The following WASF3 variants were observed in gnomAD, a reference collection of about 807,000 sequenced individuals.
WASF3 encodes the protein WASP family member 3, also known as actin-binding protein WASF3.
WASF3 carries 11 observed loss-of-function variants against 46.6 expected under a neutral mutation model. That is an observed-to-expected ratio of 0.24 (90% confidence interval 0.15 to 0.39). The LOEUF (loss-of-function observed/expected upper bound fraction) is 0.39, where lower values mean the gene tolerates loss of function less well. WASF3 is among the 10% of genes least tolerant of loss of function. The pLI is 1.00. For missense variants in WASF3, 576 were observed against 669.8 expected, an observed-to-expected ratio of 0.86 and a Z score of 1.55; for synonymous variants, 242 against 259.7, an observed-to-expected ratio of 0.93 and a Z score of 0.65.
intron 1 of WASF3, among the ~76,000 whole-genome samples, chr13:26,574,714 CTGTT>C (rs1879740605): frequency 6.6e-6 from 1 of 151,944 alleles, no homozygotes; most frequent in Non-Finnish European, 1.5e-5. Flanking sequence ...TATATTTACT[CTGTT>C]CATTTATTGT....
chr13:26,567,025 T>C (rs778083165), intron 1 of WASF3, among the ~76,000 whole-genome samples: 2 of 152,220 alleles, frequency 1.3e-5, no homozygotes, highest in African/African-American at 2.4e-5. Context: ...AAAGGTGTAG[T>C]AGGTGATGTG....
chr13:26,559,826 T>TCTTTC (rs1240300106), intron 1 of WASF3, among the ~76,000 whole-genome samples: 2 of 129,390 alleles, frequency 1.5e-5, no homozygotes, highest in Non-Finnish European at 3.3e-5. Context: ...TTTTTTTTTT[T>TCTTTC]TTTTTTTTGA....
intron 1 of WASF3, among the ~76,000 whole-genome samples, chr13:26,562,198 A>G (rs1176220552): frequency 6.6e-6 from 1 of 152,180 alleles, no homozygotes; most frequent in Non-Finnish European, 1.5e-5. Context: ...ATAGAGTAAG[A>G]AAAGGAGTGG....
At chr13:26,660,029 A>G (rs1882578288) in intron 3 of WASF3, among the ~76,000 whole-genome samples, 1 of 152,150 alleles carries the variant, frequency 6.6e-6, no homozygotes, top group African/African-American at 2.4e-5. Context: ...TACAGCCATT[A>G]GACCGGATGA....
At chr13:26,562,386 C>G (rs1188625586) in intron 1 of WASF3, among the ~76,000 whole-genome samples, 1 of 152,046 alleles carries the variant, frequency 6.6e-6, no homozygotes, top group Non-Finnish European at 1.5e-5. Context: ...AGTGACATGA[C>G]AGGGATGGGA....
the WASF3 span, among the ~76,000 whole-genome samples, chr13:26,540,563 G>A: frequency 6.6e-6 from 1 of 152,214 alleles, no homozygotes; most frequent in African/African-American, 2.4e-5. Flanking sequence ...TCTTATCCCA[G>A]GATTGGTCAC....
intron 2 of WASF3, chr13:26,640,257 TC>T (rs1430500026): frequency 1.3e-5 from 2 of 152,144 alleles, no homozygotes; most frequent in Non-Finnish European, 2.9e-5. Flanking sequence ...CCAAACTATA[TC>T]CCTAATCTTG....
At chr13:26,570,583 A>G (rs1406532562) in intron 1 of WASF3, among the ~76,000 whole-genome samples, 1 of 151,832 alleles carries the variant, frequency 6.6e-6, no homozygotes, top group Non-Finnish European at 1.5e-5. Flanking sequence ...CTTAAAATAT[A>G]CTCTAGAAAT....
At chr13:26,587,742 G>T (rs1021018979) in intron 1 of WASF3, among the ~76,000 whole-genome samples, 2 of 152,072 alleles carry the variant, frequency 1.3e-5, no homozygotes, top group African/African-American at 4.8e-5. Flanking sequence ...CATTTTGAAG[G>T]GCACATCAGT....
upstream of WASF3, among the ~76,000 whole-genome samples, chr13:26,554,088 C>T (rs28688875): frequency 0.13 from 3,330 of 25,570 alleles, 78 homozygotes; most frequent in East Asian, 0.17. Flanking sequence ...TCCTTCCTTC[C>T]TTCCTTCCTT....
chr13:26,647,093 A>G (rs1484785102), intron 3 of WASF3, among the ~76,000 whole-genome samples: 3 of 152,216 alleles, frequency 2.0e-5, no homozygotes, highest in African/African-American at 4.8e-5. Context: ...GTCACCGTTA[A>G]ATTTTTAACA....
the WASF3 span, among the ~76,000 whole-genome samples, chr13:26,551,904 T>C: frequency 4.4e-3 from 676 of 152,268 alleles, 3 homozygotes; most frequent in Middle Eastern, 0.014. Context: ...GCTCATAAAA[T>C]AGCGTGAAGA....
At chr13:26,547,013 T>G in the WASF3 span, among the ~76,000 whole-genome samples, 1 of 152,072 alleles carries the variant, frequency 6.6e-6, no homozygotes. Flanking sequence ...CCAGTGAAAC[T>G]GAAGGAGCAC....
At chr13:26,619,718 A>G (rs544160145) in intron 2 of WASF3, among the ~76,000 whole-genome samples, 1 of 152,360 alleles carries the variant, frequency 6.6e-6, no homozygotes, top group African/African-American at 2.4e-5. Context: ...AAAATCTGAT[A>G]TAAAAGGAAC....
the WASF3 span, among the ~76,000 whole-genome samples, chr13:26,541,427 C>G: frequency 6.6e-6 from 1 of 152,294 alleles, no homozygotes; most frequent in African/African-American, 2.4e-5. Context: ...TGAGATAAGA[C>G]TATTTTATGG....
At chr13:26,668,645 A>G (rs1407532437) in intron 5 of WASF3, among the ~76,000 whole-genome samples, 1 of 152,164 alleles carries the variant, frequency 6.6e-6, no homozygotes, top group Non-Finnish European at 1.5e-5. Context: ...GTCCACAGGG[A>G]GATGTTTGGA....
At chr13:26,549,316 G>A in the WASF3 span, among the ~76,000 whole-genome samples, 1 of 152,060 alleles carries the variant, frequency 6.6e-6, no homozygotes, top group Non-Finnish European at 1.5e-5. Flanking sequence ...CATGAGTATT[G>A]CTTTTGACTA....
At chr13:26,597,285 C>G (rs759799007) in intron 1 of WASF3, among the ~76,000 whole-genome samples, 1 of 152,166 alleles carries the variant, frequency 6.6e-6, no homozygotes, top group Non-Finnish European at 1.5e-5. Context: ...AGGTGTGTGC[C>G]ACCACACCCG....
intron 1 of WASF3, chr13:26,576,908 G>A (rs2137161974): frequency 1.2e-5 from 9 of 780,538 alleles, no homozygotes; most frequent in Non-Finnish European, 1.5e-5. Context: ...AAGAACAAAC[G>A]CCTTACGAAA....
Sources: gnomAD v4.1 joint callset for allele counts (sites outside exome capture counted in the v4.1 genomes callset) on GRCh38, gnomAD v4.1.1 for gene constraint, MANE v1.5 for transcripts, NCBI Gene and HGNC (gene_info 2026-07-23, HGNC 2026-07-21) for gene names.